Variants in OTOG observed in about 807,000 individuals in gnomAD.
OTOG encodes the protein otogelin.
Under a neutral mutation model 313.8 loss-of-function variants are expected in OTOG, and 296 were observed. The observed-to-expected ratio is 0.94, with a 90% CI of 0.86 to 1.04. The LOEUF (loss-of-function observed/expected upper bound fraction) is 1.04. OTOG is among the 50% of genes least tolerant of loss of function. OTOG has a pLI of 0.00. For missense variants in OTOG, 3,948 were observed against 3,840.1 expected (o/e 1.03, Z -0.74); for synonymous variants, 1,533 against 1,554.9 (o/e 0.99, Z 0.33).
intron 32 of OTOG, among the ~76,000 whole-genome samples, chr11:17,604,010 G>A (rs1853319489): frequency 6.6e-6 from 1 of 152,170 alleles, no homozygotes. Context: ...GACAATCTTA[G>A]GAGGTAGGGA....
At chr11:17,643,597 T>C (rs1362427262) in intron 54 of OTOG, 91 bp downstream of exon 54, 2 of 978,992 alleles carry the variant, frequency 2.0e-6, no homozygotes, top group Admixed American at 3.8e-5. Context: ...GTTCCTGGCC[T>C]GGCACCTAAA....
At chr11:17,594,457 A>T (rs1001150998) in intron 28 of OTOG, among the ~76,000 whole-genome samples, 2 of 152,184 alleles carry the variant, frequency 1.3e-5, no homozygotes, top group African/African-American at 2.4e-5. Context: ...GTCACTCATG[A>T]TGATGCTTCC....
intron 23 of OTOG, among the ~76,000 whole-genome samples, chr11:17,580,887 G>A (rs1345081991): frequency 6.6e-6 from 1 of 152,194 alleles, no homozygotes; most frequent in Admixed American, 6.5e-5. Flanking sequence ...GTAAAACGTA[G>A]TGAATTAAGC....
In OTOG at chr11:17,574,909, C is replaced by T. The variant is rs1852490608; in HGVS notation, c.2483C>T (p.Pro828Leu). The T allele has an allele frequency of 6.7e-7, 1 of 1,502,282 alleles. No individual in the cohort carries two copies. The highest frequency in any genetic ancestry group is 8.9e-7 in the Non-Finnish European group (1 of 1,120,334). 93.1% of individuals were successfully genotyped at this position (1,502,282 alleles called of 1,614,324 possible). A position where few individuals can be genotyped will look rare whatever the true frequency, so the allele number is the denominator to read the frequency against. Residue 828 changes from proline to leucine, a missense_variant, in exon 20 of 56, where the codon CCC becomes CTC. By Grantham distance (98) the Pro-to-Leu change is moderately conservative. Coordinates refer to ENST00000399397, the MANE Select transcript of OTOG (RefSeq NM_001292063.2). Reference protein sequence around the residue: ...YLDTQADLCVPRNQCSCHFQG... With the variant: ...YLDTQADLCVLRNQCSCHFQG... ...GACACCCAGGCTGACCTCTGTGTCC[C>T]CCGGTGAGTGGGTCAGCTTGATCTC...
intron 39 of OTOG, among the ~76,000 whole-genome samples, chr11:17,624,979 A>G (rs1216280456): frequency 1.3e-5 from 2 of 152,180 alleles, no homozygotes; most frequent in Non-Finnish European, 2.9e-5. Flanking sequence ...GTATATAGGA[A>G]TACTAGTGAT....
chr11:17,575,134 A>C (rs376601619), intron 20 of OTOG, among the ~76,000 whole-genome samples: 14 of 152,130 alleles, frequency 9.2e-5, no homozygotes, highest in Admixed American at 3.3e-4. Context: ...CAGCTTCCTC[A>C]CAAGACACAA....
intron 15 of OTOG, among the ~76,000 whole-genome samples, chr11:17,567,489 T>G (rs1298710148): frequency 2.0e-5 from 3 of 152,208 alleles, no homozygotes; most frequent in Non-Finnish European, 4.4e-5. Flanking sequence ...ACCTACCTCT[T>G]GAACTTTTTA....
In OTOG at chr11:17,640,813, C is replaced by T. The variant is rs892246727; in HGVS notation, c.8004C>T (p.Tyr2668=). The stretch of plus-strand genomic sequence containing the variant: ...AGAATGTGTGTGGCTGCGCCAAGTA[C>T]GAGTGTGGTGAGTGGGGGAAGCCTC... ...SVENVCGCAK[Y]ECVKAPVCLS... is the part of the protein sequence containing the mutation. Residue 2668 remains tyrosine, a synonymous_variant, in exon 50 of 56, where the codon TAC becomes TAT. Transcript: ENST00000399397. 51 of 1,550,202 alleles carry T rather than the reference C, an allele frequency of 3.3e-5. 1 individual carries two copies. The Admixed American group carries it at 7.3e-4, about 22-fold the overall frequency.
rs779409919 is a variant in OTOG at position 17,548,157 on chromosome 11, G to C, written c.161G>C (p.Ser54Thr). Residue 54 changes from serine to threonine, a missense_variant, in exon 3 of 56, where the codon AGC becomes ACC. Coordinates refer to ENST00000399397, the MANE Select transcript of OTOG (RefSeq NM_001292063.2). ...CAGACTCGTGTTTCCTCCAGCAGCA[G>C]CCACCAGGAGGCGACCCTTGCCATG... ...QPEPAGQPSS[S>T]HQEATLAMGD... The C allele has an allele frequency of 6.5e-7, 1 of 1,547,464 alleles. No homozygotes were observed. The highest frequency in any genetic ancestry group is 8.7e-7 in the Non-Finnish European group (1 of 1,145,164).
At chr11:17,578,624 G>C (rs772625356) in intron 23 of OTOG, 98 bp downstream of exon 23, 13 of 1,400,118 alleles carry the variant, frequency 9.3e-6, no homozygotes. Flanking sequence ...ACATGGCCTT[G>C]TAGGAAGGCA....
chr11:17,626,070 A>G (rs1330475451), intron 39 of OTOG, among the ~76,000 whole-genome samples: 1 of 152,166 alleles, frequency 6.6e-6, no homozygotes, highest in African/African-American at 2.4e-5. Flanking sequence ...CTTTTCCCCA[A>G]TGTATGTTCT....
chr11:17,645,490 C>T, intron 54 of OTOG, 74 bp from the exon 55 acceptor site: 1 of 1,413,746 alleles, frequency 7.1e-7, no homozygotes, highest in South Asian at 1.3e-5. Flanking sequence ...ACTAACTGCC[C>T]TGGGCTGGCC....
At chr11:17,593,351 T>C (rs1300337989) in intron 26 of OTOG, 24 bp downstream of exon 26, 4 of 1,549,884 alleles carry the variant, frequency 2.6e-6, no homozygotes, top group East Asian at 2.4e-5. Context: ...CCTGTGAAGG[T>C]TGTGTAGACA....
intron 17 of OTOG, among the ~76,000 whole-genome samples, chr11:17,571,007 A>G (rs1313483312): frequency 6.6e-6 from 1 of 152,198 alleles, no homozygotes; most frequent in African/African-American, 2.4e-5. Context: ...GACGTAGGTT[A>G]GGAACTTAGG....
intron 22 of OTOG, among the ~76,000 whole-genome samples, chr11:17,577,468 G>A (rs995866157): frequency 2.0e-5 from 3 of 152,172 alleles, no homozygotes; most frequent in African/African-American, 7.2e-5. Flanking sequence ...GGTGGAGGAA[G>A]GGATTGGAGA....
chr11:17,633,364 A>G (rs780521634), intron 42 of OTOG, among the ~76,000 whole-genome samples: 2 of 152,258 alleles, frequency 1.3e-5, no homozygotes, highest in African/African-American at 2.4e-5. Flanking sequence ...GGTCTCAGTC[A>G]TAAGTCCTCA....
At chr11:17,577,039 T>C (rs1852545846) in intron 22 of OTOG, 128 bp downstream of exon 22, 5 of 937,316 alleles carry the variant, frequency 5.3e-6, no homozygotes, top group Non-Finnish European at 7.9e-6. Flanking sequence ...CCTTCCGTAT[T>C]CCTTGCCCTC....
At position 17,612,738 on chromosome 11, in the gene OTOG, T is replaced by G. The variant is rs572212551; in HGVS notation, c.6411T>G (p.His2137Gln). Residue 2137 changes from histidine (H) to glutamine (Q), a missense_variant, in exon 38 of 56, where the codon CAT becomes CAG. Physicochemically the swap from His to Gln is conservative, Grantham distance 24. Coordinates refer to ENST00000399397, the MANE Select transcript of OTOG (RefSeq NM_001292063.2). ...SQSPDEMLTVHVLDCKSANLG... is the reference protein window; with the variant it reads ...SQSPDEMLTVQVLDCKSANLG... ...GCCCAGATGAAATGCTCACCGTCCA[T>G]GTACTGGACTGCAAAAGTGCCAACC... 6 of 1,550,558 alleles carry G rather than the reference T, an allele frequency of 3.9e-6. No homozygotes were observed. In the South Asian group the frequency reaches 7.1e-5, roughly 18 times the overall value.
chr11:17,608,538 CTG>C (rs1853446850), intron 34 of OTOG, 125 bp downstream of exon 34: 4 of 638,716 alleles, frequency 6.3e-6, no homozygotes, highest in East Asian at 3.1e-5. Flanking sequence ...ACCACGGTAA[CTG>C]TGTCTTTCCG....
Sources: allele counts gnomAD v4.1 joint callset (sites outside exome capture counted in the v4.1 genomes callset), GRCh38; gene constraint gnomAD v4.1.1; transcripts MANE v1.5; gene names NCBI Gene and HGNC (gene_info 2026-07-23, HGNC 2026-07-21).